Variants in CADPS observed in about 807,000 individuals in gnomAD.
CADPS encodes the protein calcium dependent secretion activator.
In CADPS, 57 loss-of-function variants were observed where a neutral mutation model predicts 167.3. The ratio of observed to expected loss-of-function variants is 0.34; its 90% confidence interval spans 0.28 to 0.42. CADPS has a LOEUF of 0.42. Among genes scored for constraint, CADPS ranks in the 20% least tolerant of loss-of-function variants. CADPS has a pLI of 1.00. For synonymous variants in CADPS, 676 were observed against 635.3 expected, an observed-to-expected ratio of 1.06 and a Z score of -0.96; for missense variants, 1,414 against 1,738.1, an observed-to-expected ratio of 0.81 and a Z score of 3.32.
intron 10 of CADPS, among the ~76,000 whole-genome samples, chr3:62,556,994 AACACACACACAC>A (rs56228621): frequency 0.073 from 10,408 of 143,184 alleles, 559 homozygotes; most frequent in African/African-American, 0.13. Flanking sequence ...GGTGAAAAAC[AACACACACACAC>A]ACACACACAC....
intron 1 of CADPS, among the ~76,000 whole-genome samples, chr3:62,826,764 A>T (rs2074118920): frequency 1.3e-5 from 2 of 152,008 alleles, no homozygotes; most frequent in East Asian, 3.9e-4. Flanking sequence ...TTGCTCTGGT[A>T]ATTAGTGGGC....
At chr3:62,616,944 C>T (rs903640673) in intron 6 of CADPS, among the ~76,000 whole-genome samples, 1 of 152,090 alleles carries the variant, frequency 6.6e-6, no homozygotes, top group Non-Finnish European at 1.5e-5. Context: ...TAAAAAATAT[C>T]CTGCAGACAA....
At position 62,603,792 on chromosome 3, in the gene CADPS, C is replaced by T. The variant is rs377032906; in HGVS notation, c.1326-11044G>A. Among the ~76,000 whole-genome samples the T allele has an allele frequency of 7.2e-5, 11 of 152,052 alleles. No homozygotes were observed. The South Asian group carries it at 1.7e-3, about 23-fold the overall frequency. ...GGTCTGATAATTCCAACATCTCTGC[C>T]GTATCTGAATCTGGTTCTGATGCTT... is the stretch of plus-strand genomic sequence containing the variant. On this transcript the variant is annotated intron_variant, in intron 6 of 29. Transcript: ENST00000383710.
intron 1 of CADPS, among the ~76,000 whole-genome samples, chr3:62,867,124 TG>T (rs1343871609): frequency 6.6e-6 from 1 of 152,070 alleles, no homozygotes; most frequent in Non-Finnish European, 1.5e-5. Flanking sequence ...ACAATCAATA[TG>T]GTAATAGTCA....
chr3:62,442,809 G>A (rs563551264), intron 27 of CADPS, among the ~76,000 whole-genome samples: 23 of 152,100 alleles, frequency 1.5e-4, no homozygotes, highest in Admixed American at 1.4e-3. Context: ...ACCTCTTTGT[G>A]CCTCAGTTTC....
chr3:62,717,200 A>G (rs2084845280), intron 3 of CADPS, among the ~76,000 whole-genome samples: 1 of 152,242 alleles, frequency 6.6e-6, no homozygotes, highest in African/African-American at 2.4e-5. Context: ...CTAGCTCATC[A>G]CCAGCCAAGA....
rs749318189 is a variant in CADPS, at chr3:62,518,290, T to G, written c.2292-40A>C. The G allele has an allele frequency of 5.7e-6, 8 of 1,401,848 alleles. No homozygotes were observed. The South Asian group carries it at 9.4e-5, about 16-fold the overall frequency. The allele number at this position is 1,401,848 out of a possible 1,614,324, so 86.8% of individuals were successfully genotyped here. Reference sequence around the variant, plus strand: ...GTCATGAAATGACGGGAACCTCATATGCTGACACCATCAAATCAAATCTCT... The same window carrying G: ...GTCATGAAATGACGGGAACCTCATAGGCTGACACCATCAAATCAAATCTCT... On this transcript the variant is annotated intron_variant, in intron 13 of 29. Coordinates refer to ENST00000383710, the MANE Select transcript of CADPS (RefSeq NM_003716.4).
intron 6 of CADPS, among the ~76,000 whole-genome samples, chr3:62,632,224 C>T (rs189036643): frequency 1.4e-4 from 21 of 152,216 alleles, no homozygotes; most frequent in African/African-American, 4.1e-4. Context: ...TGGAAAACAA[C>T]GCCAAAACAT....
At chr3:62,846,027 T>A (rs2077368615) in intron 1 of CADPS, among the ~76,000 whole-genome samples, 1 of 150,270 alleles carries the variant, frequency 6.7e-6, no homozygotes, top group East Asian at 2.0e-4. Context: ...ATCTGGCCGT[T>A]TGAAAGTGTA....
intron 3 of CADPS, among the ~76,000 whole-genome samples, chr3:62,685,030 A>G (rs1336879768): frequency 9.9e-6 from 1 of 101,042 alleles, no homozygotes; most frequent in East Asian, 2.2e-3. Context: ...ATCAAAGTAG[A>G]CTGATTTTAC....
At chr3:62,401,323 A>C (rs2149023677) in intron 29 of CADPS, among the ~76,000 whole-genome samples, 1 of 152,200 alleles carries the variant, frequency 6.6e-6, no homozygotes, top group South Asian at 2.1e-4. Flanking sequence ...GCATTTGAGC[A>C]TTCTCCCTTT....
chr3:62,622,403 G>T, intron 6 of CADPS, among the ~76,000 whole-genome samples: 1 of 152,084 alleles, frequency 6.6e-6, no homozygotes, highest in East Asian at 1.9e-4. Flanking sequence ...CCGGGCCACT[G>T]AAACTTCTTC....
At chr3:62,598,335 CCA>C (rs1367930407) in intron 6 of CADPS, among the ~76,000 whole-genome samples, 1 of 152,118 alleles carries the variant, frequency 6.6e-6, no homozygotes, top group Non-Finnish European at 1.5e-5. Context: ...TTGGTCTTAG[CCA>C]CAGTCATTGG....
intron 1 of CADPS, among the ~76,000 whole-genome samples, chr3:62,830,396 A>T (rs901299446): frequency 6.6e-6 from 1 of 152,232 alleles, no homozygotes; most frequent in Non-Finnish European, 1.5e-5. Context: ...CCACTTTAAT[A>T]GCAATCAGCT....
chr3:62,426,258 C>G (rs971381375), intron 28 of CADPS, among the ~76,000 whole-genome samples: 2 of 152,186 alleles, frequency 1.3e-5, no homozygotes, highest in Non-Finnish European at 2.9e-5. Flanking sequence ...TCAAGCAATT[C>G]TCCTGCTTCA....
chr3:62,844,378 G>A (rs968840571), intron 1 of CADPS, among the ~76,000 whole-genome samples: 8 of 152,136 alleles, frequency 5.3e-5, no homozygotes, highest in African/African-American at 1.9e-4. Flanking sequence ...GAAAATCTGA[G>A]GTTGACACAC....
intron 6 of CADPS, among the ~76,000 whole-genome samples, chr3:62,628,202 T>C (rs1343562671): frequency 6.6e-6 from 1 of 152,188 alleles, no homozygotes; most frequent in Admixed American, 6.5e-5. Context: ...TACCAGTTTG[T>C]ATTACTGCAA....
At chr3:62,846,660 T>A (rs1412380957) in intron 1 of CADPS, among the ~76,000 whole-genome samples, 1 of 152,148 alleles carries the variant, frequency 6.6e-6, no homozygotes, top group Non-Finnish European at 1.5e-5. Flanking sequence ...TTTTTTGGTA[T>A]TTTTTTGTTT....
intron 3 of CADPS, among the ~76,000 whole-genome samples, chr3:62,666,256 G>A (rs564219954): frequency 6.6e-6 from 1 of 152,296 alleles, no homozygotes; most frequent in South Asian, 2.1e-4. Context: ...ATGATCTGAA[G>A]AGAGGATGAA....
Sources: gnomAD v4.1 joint callset for allele counts (sites outside exome capture counted in the v4.1 genomes callset) on GRCh38, gnomAD v4.1.1 for gene constraint, MANE v1.5 for transcripts, NCBI Gene and HGNC (gene_info 2026-07-23, HGNC 2026-07-21) for gene names.